Variants in TTC39A observed in about 807,000 individuals in gnomAD.
TTC39A encodes the protein tetratricopeptide repeat domain 39A, also known as tetratricopeptide repeat protein 39A.
TTC39A carries 46 observed loss-of-function variants against 82.3 expected under a neutral mutation model. The observed-to-expected ratio is 0.56, with a 90% CI of 0.44 to 0.71. The LOEUF is 0.71. Among genes scored for constraint, TTC39A ranks in the 30% least tolerant of loss-of-function variants. The pLI, the probability that TTC39A is intolerant of heterozygous loss-of-function variation, is 0.00. For missense variants in TTC39A, 543 were observed against 712.9 expected (o/e 0.76, Z 2.71); for synonymous variants, 254 against 275.2 (o/e 0.92, Z 0.76).
rs1385968149 is a variant in TTC39A at position 51,294,978 on chromosome 1, G to C, written c.1146-467C>G. On this transcript the variant is annotated intron_variant, in intron 13 of 17. Coordinates refer to ENST00000680483, the MANE Select transcript of TTC39A (RefSeq NM_001297663.2). The surrounding 1 kb of genome is among the most constrained non-coding windows in gnomAD (Gnocchi z 4.3). The stretch of plus-strand genomic sequence containing the variant: ...TTCTGGCCTTCTCAGCTGTTTCCAA[G>C]GGCAGAGCAAAATGCGGTATGCCAC... Among the ~76,000 whole-genome samples the C allele has an allele frequency of 6.6e-6, 1 of 152,202 alleles. No individual in the cohort carries two copies. The highest frequency in any genetic ancestry group is 1.5e-5 in the Non-Finnish European group (1 of 68,038).
upstream of TTC39A, among the ~76,000 whole-genome samples, chr1:51,333,954 A>G (rs912783397): frequency 6.6e-6 from 1 of 152,182 alleles, no homozygotes; most frequent in Admixed American, 6.5e-5. Flanking sequence ...TCAGTGTATA[A>G]CATGGATTAT....
Position 51,330,240 on chromosome 1 carries a change from G to T in TTC39A, c.41+197C>A, listed in dbSNP as rs984739394. On this transcript the variant is annotated intron_variant, in intron 1 of 17. Coordinates refer to ENST00000680483, the MANE Select transcript of TTC39A (RefSeq NM_001297663.2). The surrounding 1 kb of genome is among the most constrained non-coding windows in gnomAD (Gnocchi z 4.5). ...TGAGTGACCGACCCGGGGTCCCCGC[G>T]CCTCCGCCTCCTCACAGCCCCCTGC... The T allele has an allele frequency of 1.9e-5, 19 of 980,512 alleles. No homozygotes were observed. The highest frequency in any genetic ancestry group is 2.1e-5 in the Non-Finnish European group (17 of 825,746). 60.7% of individuals were successfully genotyped at this position (980,512 alleles called of 1,614,324 possible).
intron 3 of TTC39A, 122 bp from the exon 4 acceptor site, chr1:51,312,317 C>T (rs1428548723): frequency 1.1e-5 from 11 of 995,398 alleles, no homozygotes; most frequent in Non-Finnish European, 1.0e-5. Flanking sequence ...AGAACACAGG[C>T]TTAGAGGTCA....
Position 51,294,565 on chromosome 1 carries a change from G to A in TTC39A, c.1146-54C>T. 1 of 1,609,476 alleles carries A rather than the reference G, an allele frequency of 6.2e-7. No homozygotes were observed. The highest frequency in any genetic ancestry group is 8.5e-7 in the Non-Finnish European group (1 of 1,178,232). ...GGATGAAAAAGAGCAGGAGAGGGCA[G>A]AGGGTCCCCAGCCTACCCAGCTATG... On this transcript the variant is annotated intron_variant, in intron 13 of 17. Transcript: ENST00000680483. The surrounding 1 kb of genome is among the most constrained non-coding windows in gnomAD (Gnocchi z 4.3).
chr1:51,315,651 G>T (rs1645255783), intron 2 of TTC39A, among the ~76,000 whole-genome samples: 1 of 152,156 alleles, frequency 6.6e-6, no homozygotes, highest in South Asian at 2.1e-4. Context: ...TCCCCAGTCC[G>T]CTGTCCATCA....
At chr1:51,331,699 T>C (rs1188233533), upstream of TTC39A, 1 of 985,292 alleles carries the variant, frequency 1.0e-6, no homozygotes, top group Admixed American at 6.1e-5. Context: ...CAGGGGCAGA[T>C]GCTCACTTGC....
At chr1:51,324,842 C>T (rs1411493916) in intron 1 of TTC39A, among the ~76,000 whole-genome samples, 2 of 151,996 alleles carry the variant, frequency 1.3e-5, no homozygotes, top group African/African-American at 2.4e-5. Flanking sequence ...CAGGAATGTA[C>T]TTTAAAGGAT....
chr1:51,309,164 AG>A, intron 6 of TTC39A, 96 bp downstream of exon 6: 1 of 1,453,034 alleles, frequency 6.9e-7, no homozygotes, highest in African/African-American at 1.4e-5. Context: ...GGCCTCGGTT[AG>A]TACTCTTCTT....
chr1:51,331,103 G>T, upstream of TTC39A: 1 of 1,215,316 alleles, frequency 8.2e-7, no homozygotes, highest in Non-Finnish European at 1.2e-6. Context: ...CTATTTTACA[G>T]ATGGGGAAAC....
chr1:51,330,284 C>A lies in TTC39A; in HGVS notation c.41+153G>T, dbSNP rs1209633125. ...CCCCTGCCCCCACTCCTGGCAGCGG[C>A]GGCGGCTGCCAGGGGCCGGGCGGGG... On this transcript the variant is annotated intron_variant, in intron 1 of 17. Transcript: ENST00000680483. The surrounding 1 kb of genome is among the most constrained non-coding windows in gnomAD (Gnocchi z 4.5). The A allele has an allele frequency of 1.1e-6, 1 of 951,938 alleles. No individual in the cohort carries two copies. Among genetic ancestry groups the A allele is most frequent in the African/African-American group, 1.8e-5 (1 of 56,400 alleles). 59.0% of individuals were successfully genotyped at this position (951,938 alleles called of 1,614,324 possible). A position where few individuals can be genotyped will look rare whatever the true frequency, so the allele number is the denominator to read the frequency against.
intron 13 of TTC39A, chr1:51,295,804 T>G: frequency 1.9e-6 from 1 of 522,706 alleles, no homozygotes; most frequent in East Asian, 3.4e-5. Flanking sequence ...ACTGTCCACA[T>G]GAAAGAGACT....
rs1238815686 is a variant in TTC39A at position 51,330,011 on chromosome 1, G to C, written c.41+426C>G. 2.5e-6 allele frequency: 1 copy of C among 406,586 alleles called. No individual in the cohort carries two copies. Among genetic ancestry groups the C allele is most frequent in the Non-Finnish European group, 3.3e-6 (1 of 301,384 alleles). 25.2% of individuals were successfully genotyped at this position (406,586 alleles called of 1,614,324 possible). ...GGGGGATCTGACAACAGACAGAACT[G>C]AGTTCAAATCCCACCCGCAACTCTT... On this transcript the variant is annotated intron_variant, in intron 1 of 17. Transcript: ENST00000680483. This position sits in a 1 kb window ranked among gnomAD's most constrained non-coding sequence, Gnocchi z 4.5.
At position 51,312,900 on chromosome 1, in the gene TTC39A, G is replaced by C; in HGVS notation, c.190C>G (p.Leu64Val). ...MYHSLTYATI[L>V]EMQAMMTFDP... The stretch of plus-strand genomic sequence containing the variant: ...AAGGTCATCATGGCCTGCATCTCCA[G>C]GATGGTGGCATATGTCAGTGAGTGG... The change falls in exon 3 of 18, where the codon CTG (leucine) becomes GTG (valine). Residue 64 changes from leucine to valine, a missense_variant. Coordinates refer to ENST00000680483, the MANE Select transcript of TTC39A (RefSeq NM_001297663.2). 1 of 1,613,944 alleles carries C rather than the reference G, an allele frequency of 6.2e-7. No homozygotes were observed. Among genetic ancestry groups the C allele is most frequent in the Non-Finnish European group, 8.5e-7 (1 of 1,179,838 alleles).
In TTC39A at chr1:51,330,332, G is replaced by T; in HGVS notation, c.41+105C>A. On this transcript the variant is annotated intron_variant, in intron 1 of 17. Transcript: ENST00000680483. This position sits in a 1 kb window ranked among gnomAD's most constrained non-coding sequence, Gnocchi z 4.5. ...GGGTGGGGGCTGGAAGCCGCAGTGC[G>T]GCCCCAGGCCGGTGCGCGGGGGGAG... 1.1e-6 allele frequency: 1 copy of T among 914,332 alleles called. No individual in the cohort carries two copies. The highest frequency in any genetic ancestry group is 1.3e-6 in the Non-Finnish European group (1 of 766,516). 56.6% of individuals were successfully genotyped at this position (914,332 alleles called of 1,614,324 possible). A position where few individuals can be genotyped will look rare whatever the true frequency, so the allele number is the denominator to read the frequency against.
chr1:51,302,862 A>AC (rs1056076988), intron 9 of TTC39A, among the ~76,000 whole-genome samples: 23 of 152,088 alleles, frequency 1.5e-4, no homozygotes, highest in African/African-American at 5.3e-4. Context: ...GGGCACAACC[A>AC]CCCCCATTTC....
Position 51,312,937 on chromosome 1 carries a change from C to T in TTC39A, c.153G>A (p.Lys51=). The change falls in exon 3 of 18, where the codon AAG becomes AAA. Residue 51 remains lysine, a synonymous_variant. Coordinates refer to ENST00000680483, the MANE Select transcript of TTC39A (RefSeq NM_001297663.2). ...EALSYLKPRT[K]ESMYHSLTYA... The stretch of plus-strand genomic sequence containing the variant: ...ATGTCAGTGAGTGGTACATGCTTTC[C>T]TTGGTTCTGCCAAAGAGAAGAGACG... The T allele has an allele frequency of 1.2e-6, 2 of 1,613,416 alleles. No homozygotes were observed. Among genetic ancestry groups the T allele is most frequent in the Non-Finnish European group, 8.5e-7 (1 of 1,179,500 alleles).
In TTC39A at chr1:51,301,719, G is replaced by T; in HGVS notation, c.906C>A (p.Phe302Leu). The change falls in exon 12 of 18, where the codon TTC (phenylalanine) becomes TTA (leucine). Residue 302 changes from phenylalanine (F) to leucine (L), a missense_variant. Coordinates refer to ENST00000680483, the MANE Select transcript of TTC39A (RefSeq NM_001297663.2). Reference sequence around the variant, plus strand: ...GCTGCTGGGCCTCACAGCACTCCTCGAAACGCCGGATGGCCTGCAGGCACC... The same window carrying T: ...GCTGCTGGGCCTCACAGCACTCCTCTAAACGCCGGATGGCCTGCAGGCACC... ...KGNIDAAIRR[F>L]EECCEAQQHW... is the part of the protein sequence containing the mutation. The T allele has an allele frequency of 7.5e-6, 12 of 1,606,784 alleles. No individual in the cohort carries two copies. The highest frequency in any genetic ancestry group is 1.0e-5 in the Non-Finnish European group (12 of 1,174,594).
At chr1:51,314,357 A>G (rs1466617153) in intron 2 of TTC39A, among the ~76,000 whole-genome samples, 1 of 152,170 alleles carries the variant, frequency 6.6e-6, no homozygotes, top group Non-Finnish European at 1.5e-5. Flanking sequence ...ACTGACTGAG[A>G]GCGCCTTTAC....
At chr1:51,340,946 TG>T (rs759968899) in intron 1 of TTC39A, among the ~76,000 whole-genome samples, 3 of 152,104 alleles carry the variant, frequency 2.0e-5, no homozygotes, top group Non-Finnish European at 4.4e-5. Context: ...CCGAGGCTGA[TG>T]GATCACTTGA....
Sources: allele counts gnomAD v4.1 joint callset (sites outside exome capture counted in the v4.1 genomes callset), GRCh38; gene constraint gnomAD v4.1.1; non-coding constraint Gnocchi (gnomAD v3.1); transcripts MANE v1.5; gene names NCBI Gene and HGNC (gene_info 2026-07-23, HGNC 2026-07-21).